The following XKR6 variants were observed in gnomAD, a reference collection of about 807,000 sequenced individuals.
XKR6 encodes XK-related protein 6.
In XKR6, 22 loss-of-function variants were observed where a neutral mutation model predicts 56.7. The observed-to-expected ratio is 0.39, with a 90% CI of 0.28 to 0.55. The LOEUF is 0.55. Among genes scored for constraint, XKR6 ranks in the 20% least tolerant of loss-of-function variants. The pLI is 0.66. For missense variants in XKR6, 852 were observed against 889.0 expected (o/e 0.96, Z 0.53); for synonymous variants, 524 against 387.8 (o/e 1.35, Z -4.13).
intron 1 of XKR6, among the ~76,000 whole-genome samples, chr8:10,998,750 C>T (rs191461959): frequency 2.7e-4 from 41 of 152,308 alleles, no homozygotes; most frequent in Non-Finnish European, 5.4e-4. Flanking sequence ...AGAAGCACCC[C>T]TACCCCTGAA....
intron 1 of XKR6, among the ~76,000 whole-genome samples, chr8:11,186,002 T>C (rs1413522137): frequency 6.6e-6 from 1 of 152,186 alleles, no homozygotes; most frequent in Non-Finnish European, 1.5e-5. Flanking sequence ...TTTATATTTT[T>C]CGAGGGGACT....
At chr8:10,941,638 G>A (rs1375480680) in intron 1 of XKR6, among the ~76,000 whole-genome samples, 2 of 152,364 alleles carry the variant, frequency 1.3e-5, no homozygotes, top group African/African-American at 4.8e-5. Flanking sequence ...CTGAGGGACT[G>A]TGTGGTAGGG....
chr8:11,008,487 C>A (rs1436095808), intron 1 of XKR6, among the ~76,000 whole-genome samples: 1 of 135,308 alleles, frequency 7.4e-6, no homozygotes, highest in East Asian at 2.2e-4. Flanking sequence ...GAGGCACAAT[C>A]TTTGCTCACT....
At chr8:11,090,979 G>T (rs984455570) in intron 1 of XKR6, among the ~76,000 whole-genome samples, 2 of 152,040 alleles carry the variant, frequency 1.3e-5, no homozygotes, top group Non-Finnish European at 2.9e-5. Context: ...TGGAAAAGAG[G>T]CACAACTCGA....
chr8:11,107,143 T>C (rs1798708810), intron 1 of XKR6, among the ~76,000 whole-genome samples: 1 of 151,940 alleles, frequency 6.6e-6, no homozygotes, highest in East Asian at 1.9e-4. Context: ...AGAAAGGAAC[T>C]GTACTATGAT....
chr8:11,099,818 G>C (rs1798400116), intron 1 of XKR6, among the ~76,000 whole-genome samples: 2 of 152,192 alleles, frequency 1.3e-5, no homozygotes, highest in Admixed American at 6.5e-5. Context: ...TGATGAGGAA[G>C]TTAAGGGAGA....
chr8:10,906,170 A>G (rs1800184845), intron 2 of XKR6, among the ~76,000 whole-genome samples: 1 of 152,202 alleles, frequency 6.6e-6, no homozygotes. Context: ...GCCTGATGTC[A>G]TGTTGCGGGC....
intron 1 of XKR6, among the ~76,000 whole-genome samples, chr8:11,147,341 G>A (rs565699347): frequency 1.3e-5 from 2 of 152,264 alleles, no homozygotes; most frequent in South Asian, 4.1e-4. Flanking sequence ...ACATGTGCAT[G>A]AAATCTCAAC....
chr8:11,007,027 A>C (rs553137641), intron 1 of XKR6, among the ~76,000 whole-genome samples: 1 of 152,252 alleles, frequency 6.6e-6, no homozygotes, highest in East Asian at 1.9e-4. Context: ...CCCAAGAGGA[A>C]CCCTACCAGT....
intron 1 of XKR6, among the ~76,000 whole-genome samples, chr8:11,120,914 C>A (rs2129183464): frequency 6.6e-6 from 1 of 152,202 alleles, no homozygotes; most frequent in South Asian, 2.1e-4. Context: ...TTTGACAAAC[C>A]TGAGAAAAAC....
Position 10,897,914 on chromosome 8 carries a change from A to C in XKR6, c.*38T>G. 6.6e-7 allele frequency: 1 copy of C among 1,521,994 alleles called. No individual in the cohort carries two copies. The highest frequency in any genetic ancestry group is 1.3e-5 in the South Asian group (1 of 75,392). The allele number at this position is 1,521,994 out of a possible 1,614,324, so 94.3% of individuals were successfully genotyped here. ...TTGCAAGTGCTGTTTGCCGCAAACC[A>C]AACTTAAGGTCCCCTTCTCAACTTG... On this transcript the variant is annotated 3_prime_UTR_variant, in exon 3 of 3. Transcript: ENST00000416569.
chr8:11,055,642 G>C (rs578169445), intron 1 of XKR6, among the ~76,000 whole-genome samples: 1 of 152,352 alleles, frequency 6.6e-6, no homozygotes, highest in East Asian at 1.9e-4. Flanking sequence ...ACAAATAACA[G>C]GTTTGGAGCT....
At chr8:11,144,778 TAAAG>T (rs1289633962) in intron 1 of XKR6, among the ~76,000 whole-genome samples, 1 of 151,366 alleles carries the variant, frequency 6.6e-6, no homozygotes, top group Non-Finnish European at 1.5e-5. Context: ...GTAAGATAAT[TAAAG>T]TCCTCATCTC....
chr8:11,149,879 T>G (rs1466852140), intron 1 of XKR6, among the ~76,000 whole-genome samples: 1 of 152,216 alleles, frequency 6.6e-6, no homozygotes, highest in Non-Finnish European at 1.5e-5. Context: ...TATATATACA[T>G]GATGAAATAC....
chr8:11,181,338 A>G (rs1472860770), intron 1 of XKR6, among the ~76,000 whole-genome samples: 1 of 152,220 alleles, frequency 6.6e-6, no homozygotes, highest in Non-Finnish European at 1.5e-5. Context: ...GTGCTAGACA[A>G]TGTTTTGACT....
intron 1 of XKR6, among the ~76,000 whole-genome samples, chr8:11,086,445 G>A (rs1262546158): frequency 6.6e-6 from 1 of 152,086 alleles, no homozygotes; most frequent in Non-Finnish European, 1.5e-5. Context: ...TTTCAACACG[G>A]AGACGCTCAT....
intron 1 of XKR6, among the ~76,000 whole-genome samples, chr8:11,070,474 G>A (rs1286068166): frequency 1.3e-5 from 2 of 152,178 alleles, no homozygotes; most frequent in Non-Finnish European, 2.9e-5. Flanking sequence ...GGGGCAATTT[G>A]GGGTGGTGGT....
chr8:11,155,168 A>G (rs1801457471), intron 1 of XKR6, among the ~76,000 whole-genome samples: 1 of 152,162 alleles, frequency 6.6e-6, no homozygotes, highest in Non-Finnish European at 1.5e-5. Context: ...TCATTTTATC[A>G]CTCAGAAAGA....
chr8:11,040,524 T>G (rs7018172), intron 1 of XKR6, among the ~76,000 whole-genome samples: 24,680 of 152,080 alleles, frequency 0.16, 2,113 homozygotes, highest in Non-Finnish European at 0.19. Context: ...CGTGCAATCC[T>G]GTCTCAAAAC....
Sources: gnomAD v4.1 joint callset for allele counts (sites outside exome capture counted in the v4.1 genomes callset) on GRCh38, gnomAD v4.1.1 for gene constraint, MANE v1.5 for transcripts, NCBI Gene and HGNC (gene_info 2026-07-23, HGNC 2026-07-21) for gene names.